MB21D2: variants seen among roughly 807,000 people sequenced by gnomAD.
MB21D2 encodes nucleotidyltransferase MB21D2.
MB21D2 carries 9 observed loss-of-function variants against 33.3 expected under a neutral mutation model. The ratio of observed to expected loss-of-function variants is 0.27; its 90% CI spans 0.16 to 0.47. The LOEUF is 0.47. Among genes scored for constraint, MB21D2 ranks in the 20% least tolerant of loss-of-function variants. The probability of loss-of-function intolerance (pLI) is 0.99; values close to 1 mark genes in which losing one functional copy is unlikely to be tolerated. For synonymous variants in MB21D2, 241 were observed against 236.3 expected (o/e 1.02, Z -0.18); for missense variants, 540 against 624.6 (o/e 0.86, Z 1.44).
chr3:192,881,184 T>G (rs1713558221), intron 1 of MB21D2, among the ~76,000 whole-genome samples: 1 of 152,108 alleles, frequency 6.6e-6, no homozygotes, highest in Non-Finnish European at 1.5e-5. Context: ...AACAAAGATA[T>G]AAACTTAAAA....
intron 1 of MB21D2, among the ~76,000 whole-genome samples, chr3:192,866,768 A>G (rs1713176373): frequency 6.6e-6 from 1 of 152,200 alleles, no homozygotes; most frequent in Non-Finnish European, 1.5e-5. Context: ...CAGGTAAAAG[A>G]TAACTTAGGA....
At chr3:192,856,307 A>G (rs1260376607) in intron 1 of MB21D2, among the ~76,000 whole-genome samples, 3 of 152,268 alleles carry the variant, frequency 2.0e-5, no homozygotes, top group Non-Finnish European at 4.4e-5. Flanking sequence ...ATCCAGCTGC[A>G]ATTCTTTTAA....
At chr3:192,827,221 G>A (rs529302309) in intron 1 of MB21D2, among the ~76,000 whole-genome samples, 1 of 152,172 alleles carries the variant, frequency 6.6e-6, no homozygotes, top group African/African-American at 2.4e-5. Flanking sequence ...AGGGCAAAAA[G>A]TATAAAAGAA....
chr3:192,888,750 T>C (rs913462826), intron 1 of MB21D2, among the ~76,000 whole-genome samples: 18 of 152,280 alleles, frequency 1.2e-4, no homozygotes, highest in African/African-American at 4.3e-4. Context: ...TAAGGTATTT[T>C]ATTTATTGAG....
chr3:192,879,537 C>T (rs879701334), intron 1 of MB21D2, among the ~76,000 whole-genome samples: 4 of 152,194 alleles, frequency 2.6e-5, no homozygotes, highest in Non-Finnish European at 5.9e-5. Flanking sequence ...AGTGAGATTA[C>T]GATTTCCCCT....
intron 1 of MB21D2, among the ~76,000 whole-genome samples, chr3:192,808,559 G>A (rs1711714966): frequency 6.6e-6 from 1 of 152,194 alleles, no homozygotes; most frequent in South Asian, 2.1e-4. Context: ...TAGCAATGCT[G>A]CCTGTGGAGG....
intron 1 of MB21D2, among the ~76,000 whole-genome samples, chr3:192,806,087 G>T (rs1250822481): frequency 6.6e-6 from 1 of 152,212 alleles, no homozygotes; most frequent in African/African-American, 2.4e-5. Flanking sequence ...CACACAGGGT[G>T]GCAGGCAGAG....
intron 1 of MB21D2, among the ~76,000 whole-genome samples, chr3:192,853,056 G>A (rs983708902): frequency 6.9e-6 from 1 of 145,716 alleles, no homozygotes; most frequent in African/African-American, 2.5e-5. Context: ...CTCTCTCTCT[G>A]AGACCATTTT....
chr3:192,902,385 T>C lies in MB21D2; in HGVS notation c.211+15245A>G, dbSNP rs369857795. On this transcript the variant is annotated intron_variant, in intron 1 of 1. Coordinates refer to ENST00000392452, the MANE Select transcript of MB21D2 (RefSeq NM_178496.4). Reference sequence around the variant, plus strand: ...TCTGAATCCAGCCTCTATCACTAGCTTGAGCAAGGTGATTTCCTGGCTTTA... The same window carrying C: ...TCTGAATCCAGCCTCTATCACTAGCCTGAGCAAGGTGATTTCCTGGCTTTA... Among the ~76,000 whole-genome samples the C allele has an allele frequency of 1.2e-4, 19 of 152,316 alleles. No homozygotes were observed. The South Asian group carries it at 1.7e-3, about 13-fold the overall frequency.
chr3:192,800,948 A>C (rs942451016), intron 1 of MB21D2, among the ~76,000 whole-genome samples: 1 of 152,224 alleles, frequency 6.6e-6, no homozygotes, highest in Non-Finnish European at 1.5e-5. Flanking sequence ...CCGCACCATG[A>C]GCGTGACATC....
At chr3:192,910,082 G>A (rs893121442) in intron 1 of MB21D2, among the ~76,000 whole-genome samples, 1 of 151,636 alleles carries the variant, frequency 6.6e-6, no homozygotes, top group South Asian at 2.1e-4. Context: ...GGCATGGAAA[G>A]GTAGGTAAAA....
At chr3:192,875,891 T>A (rs755663295) in intron 1 of MB21D2, among the ~76,000 whole-genome samples, 2 of 152,210 alleles carry the variant, frequency 1.3e-5, no homozygotes, top group Admixed American at 6.5e-5. Context: ...CATTTCTACA[T>A]GTTTTTTTAG....
At chr3:192,903,047 T>C (rs1228413176) in intron 1 of MB21D2, among the ~76,000 whole-genome samples, 3 of 152,234 alleles carry the variant, frequency 2.0e-5, no homozygotes. Context: ...GCTATTTATT[T>C]AGCATCCTTC....
At chr3:192,893,672 C>T (rs925166960) in intron 1 of MB21D2, among the ~76,000 whole-genome samples, 2 of 152,206 alleles carry the variant, frequency 1.3e-5, no homozygotes, top group Non-Finnish European at 2.9e-5. Flanking sequence ...CCAGTCCAGG[C>T]ATTCCCCCGT....
At chr3:192,905,651 A>G (rs1013782739) in intron 1 of MB21D2, among the ~76,000 whole-genome samples, 9 of 150,138 alleles carry the variant, frequency 6.0e-5, no homozygotes, top group African/African-American at 9.8e-5. Context: ...AAAAAAAAAA[A>G]AAAGAAAAAG....
intron 1 of MB21D2, among the ~76,000 whole-genome samples, chr3:192,803,752 A>G (rs984429074): frequency 6.6e-6 from 1 of 152,212 alleles, no homozygotes; most frequent in Non-Finnish European, 1.5e-5. Flanking sequence ...ATCAGTTCCA[A>G]CAAGTGCCAT....
intron 1 of MB21D2, among the ~76,000 whole-genome samples, chr3:192,834,437 A>G (rs201899249): frequency 0.023 from 3,450 of 149,886 alleles, 89 homozygotes; most frequent in Admixed American, 0.087. Context: ...AAAAAAAAAA[A>G]AAGAAGAAGA....
chr3:192,803,629 T>C (rs1228105121), intron 1 of MB21D2, among the ~76,000 whole-genome samples: 4 of 152,156 alleles, frequency 2.6e-5, no homozygotes, highest in Admixed American at 2.6e-4. Context: ...TAAGTGAAAA[T>C]GAGCTGACAT....
intron 1 of MB21D2, among the ~76,000 whole-genome samples, chr3:192,876,339 C>G (rs1713427552): frequency 6.6e-6 from 1 of 152,190 alleles, no homozygotes; most frequent in Non-Finnish European, 1.5e-5. Flanking sequence ...TCCTTACAAC[C>G]CACATCAAAA....
Sources: gnomAD v4.1 joint callset for allele counts (sites outside exome capture counted in the v4.1 genomes callset) on GRCh38, gnomAD v4.1.1 for gene constraint, MANE v1.5 for transcripts, NCBI Gene and HGNC (gene_info 2026-07-23, HGNC 2026-07-21) for gene names.